SCN7A: variants seen among roughly 807,000 people sequenced by gnomAD.
The protein encoded by SCN7A is sodium channel protein type 7 subunit alpha.
SCN7A carries 138 observed loss-of-function variants against 155.2 expected under a neutral mutation model. That is an observed-to-expected ratio of 0.89 (90% CI 0.77 to 1.02). SCN7A has a LOEUF of 1.02. Ranked by LOEUF, SCN7A falls within the 50% of genes least tolerant of loss-of-function variation. The probability of loss-of-function intolerance (pLI) is 0.00; values close to 1 mark genes in which losing one functional copy is unlikely to be tolerated. For synonymous variants in SCN7A, 693 were observed against 649.0 expected, an observed-to-expected ratio of 1.07 and a Z score of -1.03; for missense variants, 2,058 against 1,986.6, an observed-to-expected ratio of 1.04 and a Z score of -0.68.
Position 166,475,818 on chromosome 2 carries a change from C to T in SCN7A, c.235-1474G>A, listed in dbSNP as rs114971810. Among the ~76,000 whole-genome samples, 684 of 152,012 alleles carry T rather than the reference C, an allele frequency of 4.5e-3. 3 individuals carry two copies. The highest frequency in any genetic ancestry group is 0.01 in the Middle Eastern group (3 of 294). On this transcript the variant is annotated intron_variant, in intron 3 of 25. Transcript: ENST00000643258. ...ACCAAATACAAGTCAAATAAATTGT[C>T]GTTTGTAACAGCACTTTTCTACCAA...
intron 2 of SCN7A, among the ~76,000 whole-genome samples, chr2:166,486,298 T>C (rs543930979): frequency 1.6e-4 from 25 of 152,248 alleles, no homozygotes; most frequent in African/African-American, 5.1e-4. Flanking sequence ...AATCAGTGAA[T>C]AGACAGAAGA....
At chr2:166,481,081 C>T (rs1702915303) in intron 2 of SCN7A, among the ~76,000 whole-genome samples, 2 of 152,076 alleles carry the variant, frequency 1.3e-5, no homozygotes, top group African/African-American at 4.8e-5. Context: ...TATCTATATT[C>T]GATATGACTT....
chr2:166,480,477 A>C (rs1360291135), intron 2 of SCN7A, among the ~76,000 whole-genome samples: 1 of 148,572 alleles, frequency 6.7e-6, no homozygotes, highest in Non-Finnish European at 1.5e-5. Flanking sequence ...AAACAAAAAA[A>C]CAAAAAAACA....
chr2:166,481,121 TAGAG>T (rs1459520316), intron 2 of SCN7A, among the ~76,000 whole-genome samples: 1 of 152,190 alleles, frequency 6.6e-6, no homozygotes, highest in East Asian at 1.9e-4. Flanking sequence ...TAGGTTGTGA[TAGAG>T]AAACAACCTA....
At position 166,444,801 on chromosome 2, in the gene SCN7A, C is replaced by G. The variant is rs1702027060; in HGVS notation, c.1587G>C (p.Met529Ile). Residue 529 changes from methionine (M) to isoleucine (I), a missense_variant, in exon 13 of 26, where the codon ATG becomes ATC. Transcript: ENST00000643258. ...TGAGAAGAGTGTTAGTTTGTTTACT[C>G]ATTGGATAATGCTCCAAGGTCAGAA... ...VCFLTLEHYP[M>I]SKQTNTLLNI... The G allele has an allele frequency of 6.2e-7, 1 of 1,602,524 alleles. No individual in the cohort carries two copies. The highest frequency in any genetic ancestry group is 1.7e-5 in the Admixed American group (1 of 58,644).
At chr2:166,455,446 G>C (rs1056379741) in intron 11 of SCN7A, among the ~76,000 whole-genome samples, 6 of 152,140 alleles carry the variant, frequency 3.9e-5, no homozygotes, top group Non-Finnish European at 8.8e-5. Flanking sequence ...CACAGGAACA[G>C]AAAACTAAAT....
intron 2 of SCN7A, among the ~76,000 whole-genome samples, chr2:166,480,105 T>A (rs1702886592): frequency 6.6e-6 from 1 of 152,200 alleles, no homozygotes. Flanking sequence ...AAGTACAATT[T>A]ATGAGTATAA....
intron 15 of SCN7A, among the ~76,000 whole-genome samples, chr2:166,439,716 A>G (rs1701916308): frequency 6.6e-6 from 1 of 152,160 alleles, no homozygotes; most frequent in South Asian, 2.1e-4. Context: ...GAAGATATTG[A>G]AGTATTTTTT....
chr2:166,467,317 A>T (rs2105489115), intron 7 of SCN7A, among the ~76,000 whole-genome samples: 1 of 151,936 alleles, frequency 6.6e-6, no homozygotes, highest in Non-Finnish European at 1.5e-5. Context: ...AAACTTTTAA[A>T]ATAGGTGTAT....
chr2:166,430,566 G>A (rs1441948657), intron 16 of SCN7A, among the ~76,000 whole-genome samples: 3 of 151,582 alleles, frequency 2.0e-5, no homozygotes, highest in Admixed American at 6.6e-5. Flanking sequence ...CCAAAATACC[G>A]GTGAGTAGGT....
At chr2:166,432,238 G>A in intron 16 of SCN7A, 80 bp downstream of exon 16, 1 of 1,111,182 alleles carries the variant, frequency 9.0e-7, no homozygotes, top group African/African-American at 1.6e-5. Context: ...ATCTGGCTGT[G>A]GAACTTCGGC....
chr2:166,405,903 C>A lies in SCN7A; in HGVS notation c.4726G>T (p.Asp1576Tyr), dbSNP rs372024247. ...CTCTTTGTAAAAGCAAGTAAGATAT[C>A]GAGGCAATGAATTCTGTCCCCAACA... ...MAVGDRIHCLDILLAFTKRVM... is the reference protein window; with the variant it reads ...MAVGDRIHCLYILLAFTKRVM... The change falls in exon 26 of 26, where the codon GAT becomes TAT. Residue 1576 changes from aspartate to tyrosine, a missense_variant. Physicochemically the swap from Asp to Tyr is radical, Grantham distance 160. Transcript: ENST00000643258. The A allele has an allele frequency of 6.8e-6, 11 of 1,612,930 alleles. No homozygotes were observed. Among genetic ancestry groups the A allele is most frequent in the South Asian group, 2.2e-5 (2 of 91,058 alleles).
At chr2:166,476,476 C>G (rs1702800034) in intron 3 of SCN7A, among the ~76,000 whole-genome samples, 1 of 151,930 alleles carries the variant, frequency 6.6e-6, no homozygotes, top group African/African-American at 2.4e-5. Flanking sequence ...AGCTGAAAAC[C>G]TTGGCATTTT....
At chr2:166,466,065 C>G (rs1223279727) in intron 7 of SCN7A, 78 bp from the exon 8 acceptor site, 16 of 900,152 alleles carry the variant, frequency 1.8e-5, no homozygotes, top group Non-Finnish European at 2.7e-5. Context: ...CCCACAGCAA[C>G]TGCATACTCC....
chr2:166,468,266 G>C (rs962228035), intron 7 of SCN7A, among the ~76,000 whole-genome samples: 1 of 151,908 alleles, frequency 6.6e-6, no homozygotes, highest in Non-Finnish European at 1.5e-5. Context: ...ATCCTTACAA[G>C]GGCTTGCCAG....
chr2:166,447,687 T>C lies in SCN7A; in HGVS notation c.1312A>G (p.Met438Val), dbSNP rs981887628. ...GTGGAAATTGGTGACCTTTTCTTCA[T>C]TTCTATTTGTATGGTCTTGGCCTGA... is the stretch of plus-strand genomic sequence containing the variant. ...TDEAKTIQIE[M>V]KKRSPISTDT... The change falls in exon 12 of 26, where the codon ATG becomes GTG. Residue 438 changes from methionine (M) to valine (V), a missense_variant. By Grantham distance (21) the Met-to-Val change is conservative. Transcript: ENST00000643258. 4.3e-6 allele frequency: 7 copies of C among 1,612,954 alleles called. No homozygotes were observed. In the African/African-American group the frequency reaches 8.0e-5, roughly 18 times the overall value.
At position 166,443,632 on chromosome 2, in the gene SCN7A, A is replaced by G. The variant is rs1194134730; in HGVS notation, c.1671T>C (p.Ile557=). 1 of 1,560,818 alleles carries G rather than the reference A, an allele frequency of 6.4e-7. No homozygotes were observed. Among genetic ancestry groups the G allele is most frequent in the Admixed American group, 1.9e-5 (1 of 51,540 alleles). Residue 557 remains isoleucine (I), a synonymous_variant, in exon 14 of 26, where the codon ATT becomes ATC. Coordinates refer to ENST00000643258, the MANE Select transcript of SCN7A (RefSeq NM_002976.4). ...GGAAATACCCATATGGATGCATTGC[A>G]ATTATTTTAAAAATCATTTCTGCTG... The part of the protein sequence containing the change: ...IFTAEMIFKI[I]AMHPYGYFQV...
intron 11 of SCN7A, 43 bp downstream of exon 11, chr2:166,456,827 T>TATAG (rs768632050): frequency 0.011 from 6,822 of 637,632 alleles, 254 homozygotes; most frequent in South Asian, 0.037. Flanking sequence ...TATATATATA[T>TATAG]ATAGATAGAT....
chr2:166,481,276 C>T (rs2105522896), intron 2 of SCN7A, among the ~76,000 whole-genome samples: 1 of 152,230 alleles, frequency 6.6e-6, no homozygotes, highest in East Asian at 1.9e-4. Flanking sequence ...TGGGATTCCT[C>T]TTCCAGTTAA....
Sources: gnomAD v4.1 joint callset for allele counts (sites outside exome capture counted in the v4.1 genomes callset) on GRCh38, gnomAD v4.1.1 for gene constraint, MANE v1.5 for transcripts, NCBI Gene and HGNC (gene_info 2026-07-23, HGNC 2026-07-21) for gene names.